The following PTPRD variants were observed in gnomAD, a reference collection of about 807,000 sequenced individuals.
The protein encoded by PTPRD is protein tyrosine phosphatase receptor type D.
A neutral mutation model predicts 214.5 loss-of-function variants in PTPRD; 34 were observed. The ratio of observed to expected loss-of-function variants is 0.16; its 90% CI spans 0.12 to 0.21. PTPRD has a LOEUF of 0.21. PTPRD is among the 10% of genes least tolerant of loss of function. PTPRD has a pLI of 1.00. For missense variants in PTPRD, 2,545 were observed against 2,398.7 expected (o/e 1.06, Z -1.27); for synonymous variants, 1,128 against 845.7 (o/e 1.33, Z -5.79).
chr9:9,588,845 G>A (rs912946617), intron 7 of PTPRD, among the ~76,000 whole-genome samples: 81 of 151,964 alleles, frequency 5.3e-4, no homozygotes, highest in African/African-American at 1.9e-3. Flanking sequence ...GCTTTTCTAT[G>A]CATTTTGAAA....
At chr9:9,357,516 A>G (rs372725036) in intron 9 of PTPRD, among the ~76,000 whole-genome samples, 7 of 151,214 alleles carry the variant, frequency 4.6e-5, no homozygotes, top group African/African-American at 1.7e-4. Flanking sequence ...GAAATCATAT[A>G]TAAGGTCCCT....
At chr9:9,775,822 GGCGGACGCCTGCAGTCCCA>G (rs1191131514) in intron 5 of PTPRD, among the ~76,000 whole-genome samples, 1 of 151,928 alleles carries the variant, frequency 6.6e-6, no homozygotes, top group Non-Finnish European at 1.5e-5. Flanking sequence ...CGGGCATGGT[GGCGGACGCCTGCAGTCCCA>G]GCTACTTGGG....
intron 9 of PTPRD, among the ~76,000 whole-genome samples, chr9:9,392,454 T>G (rs1252603044): frequency 6.6e-6 from 1 of 152,148 alleles, no homozygotes; most frequent in Non-Finnish European, 1.5e-5. Flanking sequence ...TGAGATAAAA[T>G]TGTCTCATAT....
chr9:9,802,250 A>T (rs888049892), intron 5 of PTPRD, among the ~76,000 whole-genome samples: 2 of 151,940 alleles, frequency 1.3e-5, no homozygotes, highest in African/African-American at 4.8e-5. Context: ...TGAGATCAAG[A>T]TTCCTATGGG....
At chr9:9,791,824 C>A (rs921443546) in intron 5 of PTPRD, among the ~76,000 whole-genome samples, 1 of 152,046 alleles carries the variant, frequency 6.6e-6, no homozygotes, top group Admixed American at 6.6e-5. Flanking sequence ...ATAAGCTATC[C>A]AATTTCTAAA....
At chr9:8,649,454 T>G (rs1264291495) in intron 12 of PTPRD, among the ~76,000 whole-genome samples, 1 of 152,384 alleles carries the variant, frequency 6.6e-6, no homozygotes, top group East Asian at 1.9e-4. Flanking sequence ...GTTGGCAAGA[T>G]ACTTTGGGAA....
intron 7 of PTPRD, among the ~76,000 whole-genome samples, chr9:9,678,289 G>T (rs998351937): frequency 1.3e-5 from 2 of 152,056 alleles, no homozygotes; most frequent in African/African-American, 4.8e-5. Context: ...GAAGAAAGCT[G>T]GAGGCATCAT....
At chr9:8,648,736 G>A (rs1431607781) in intron 12 of PTPRD, among the ~76,000 whole-genome samples, 3 of 152,120 alleles carry the variant, frequency 2.0e-5, no homozygotes, top group East Asian at 1.9e-4. Context: ...ATGACACAAT[G>A]CTTATCAGCT....
At chr9:8,840,486 A>T (rs970634707) in intron 11 of PTPRD, among the ~76,000 whole-genome samples, 24 of 152,286 alleles carry the variant, frequency 1.6e-4, no homozygotes, top group African/African-American at 5.1e-4. Flanking sequence ...TGTATAAATT[A>T]CCCAGTTTGG....
Position 8,465,625 on chromosome 9 carries a change from T to A in PTPRD, c.3555A>T (p.Glu1185Asp), listed in dbSNP as rs111896726. 1 of 1,612,184 alleles carries A rather than the reference T, an allele frequency of 6.2e-7. No individual in the cohort carries two copies. The highest frequency in any genetic ancestry group is 8.5e-7 in the Non-Finnish European group (1 of 1,178,874). ...CGGCAATATATGGCTTTAATTCAAC[T>A]TCTCTCCCATAACGGATGCTTCTGC... ...RKRRSIRYGR[E>D]VELKPYIAAH... Residue 1185 changes from glutamate (E) to aspartate (D), a missense_variant, in exon 32 of 46, where the codon GAA (glutamate) becomes GAT (aspartate). Physicochemically the swap from Glu to Asp is conservative, Grantham distance 45. Transcript: ENST00000381196.
chr9:8,569,308 T>A (rs2090404946), intron 14 of PTPRD, among the ~76,000 whole-genome samples: 1 of 152,162 alleles, frequency 6.6e-6, no homozygotes, highest in African/African-American at 2.4e-5. Context: ...CTATCCAATG[T>A]TACCCAAATC....
chr9:9,444,322 T>C lies in PTPRD; in HGVS notation c.-236-46840A>G, dbSNP rs944125912. 1.8e-4 allele frequency among the ~76,000 whole-genome samples: 28 copies of C among 152,290 alleles called. 1 individual carries two copies. The highest frequency in any genetic ancestry group is 5.8e-4 in the African/African-American group (24 of 41,572). On this transcript the variant is annotated intron_variant, in intron 8 of 45. Transcript: ENST00000381196. The stretch of plus-strand genomic sequence containing the variant: ...AAAATGATAAAATGAGTCCGATAAA[T>C]ATGAAAAGATTTGATATCTATTTTT...
chr9:9,202,880 ATGT>A (rs778943236), intron 9 of PTPRD, among the ~76,000 whole-genome samples: 3 of 152,100 alleles, frequency 2.0e-5, no homozygotes, highest in South Asian at 2.1e-4. Flanking sequence ...CGCCTCTTAA[ATGT>A]TGTTGTTTCT....
chr9:8,342,210 A>T (rs1176823892), intron 39 of PTPRD, among the ~76,000 whole-genome samples: 1 of 152,074 alleles, frequency 6.6e-6, no homozygotes, highest in Non-Finnish European at 1.5e-5. Flanking sequence ...AAATGTAAAA[A>T]ATATTAAATC....
rs561865979 is a variant in PTPRD at position 9,078,016 on chromosome 9, C to T, written c.-142-59281G>A. Among the ~76,000 whole-genome samples, 130 of 152,048 alleles carry T rather than the reference C, an allele frequency of 8.5e-4. 1 individual carries two copies. In the South Asian group the frequency reaches 8.9e-3, roughly 10 times the overall value. On this transcript the variant is annotated intron_variant, in intron 10 of 45. Coordinates refer to ENST00000381196, the MANE Select transcript of PTPRD (RefSeq NM_002839.4). ...ACGCTTTGTATTTTGTAAATGTATG[C>T]TAGATTTCTATACAGATATTTTCAA...
At chr9:10,581,651 C>A (rs916555965) in intron 2 of PTPRD, among the ~76,000 whole-genome samples, 2 of 152,132 alleles carry the variant, frequency 1.3e-5, no homozygotes, top group African/African-American at 4.8e-5. Flanking sequence ...TGTACAATTA[C>A]CCACCACATG....
chr9:9,138,204 G>C (rs1490638198), intron 10 of PTPRD, among the ~76,000 whole-genome samples: 1 of 151,614 alleles, frequency 6.6e-6, no homozygotes, highest in Non-Finnish European at 1.5e-5. Context: ...TCTTTTATCT[G>C]ACTATAAAAA....
intron 9 of PTPRD, among the ~76,000 whole-genome samples, chr9:9,221,423 A>G (rs965359163): frequency 6.6e-6 from 1 of 152,112 alleles, no homozygotes; most frequent in African/African-American, 2.4e-5. Context: ...TTGGGCTGCC[A>G]CAACATAATA....
chr9:9,153,095 G>A (rs954751641), intron 10 of PTPRD, among the ~76,000 whole-genome samples: 9 of 152,184 alleles, frequency 5.9e-5, no homozygotes, highest in Admixed American at 5.2e-4. Context: ...TTCTGGTTAG[G>A]AGGGGCACTG....
Sources: allele counts gnomAD v4.1 joint callset (sites outside exome capture counted in the v4.1 genomes callset), GRCh38; gene constraint gnomAD v4.1.1; transcripts MANE v1.5; gene names NCBI Gene and HGNC (gene_info 2026-07-23, HGNC 2026-07-21).